The following SLC11A1 variants were observed in gnomAD, a reference collection of about 807,000 sequenced individuals.
SLC11A1 encodes the protein solute carrier family 11 member 1.
Under a neutral mutation model 63.2 loss-of-function variants are expected in SLC11A1, and 59 were observed. The observed-to-expected ratio is 0.93, with a 90% CI of 0.76 to 1.16. The LOEUF (loss-of-function observed/expected upper bound fraction) is 1.16, where lower values mean the gene tolerates loss of function less well. Among genes scored for constraint, SLC11A1 ranks in the 50% most tolerant of loss-of-function variants. SLC11A1 has a pLI of 0.00. For missense variants in SLC11A1, 688 were observed against 730.7 expected (o/e 0.94, Z 0.67); for synonymous variants, 305 against 307.8 (o/e 0.99, Z 0.09).
chr2:218,390,054 G>T, intron 9 of SLC11A1, 26 bp downstream of exon 9: 1 of 1,597,580 alleles, frequency 6.3e-7, no homozygotes, highest in African/African-American at 1.3e-5. Flanking sequence ...CCCCGCACCT[G>T]AGGCCACACA....
intron 4 of SLC11A1, 50 bp downstream of exon 4, chr2:218,385,316 A>G (rs758636310): frequency 1.2e-6 from 2 of 1,612,438 alleles, no homozygotes; most frequent in South Asian, 2.2e-5. Flanking sequence ...CAAACCCCAA[A>G]CAGCCATTTT....
rs192897912 is a variant in SLC11A1, at chr2:218,391,639, G to C, written c.1164+144G>C. 57 of 1,131,064 alleles carry C rather than the reference G, an allele frequency of 5.0e-5. No individual in the cohort carries two copies. The African/African-American group carries it at 7.7e-4, about 15-fold the overall frequency. The allele number at this position is 1,131,064 out of a possible 1,614,324, so 70.1% of individuals were successfully genotyped here. A position where few individuals can be genotyped will look rare whatever the true frequency, so the allele number is the denominator to read the frequency against. On this transcript the variant is annotated intron_variant, in intron 11 of 14. Transcript: ENST00000233202. ...TTTTGTTTTTGTTTTTGTTGTTGTTGTTGAGACGGAGTCTCGCTCTTGTCG... is the reference window on the plus strand; with the variant it reads ...TTTTGTTTTTGTTTTTGTTGTTGTTCTTGAGACGGAGTCTCGCTCTTGTCG...
At chr2:218,391,335 C>T in intron 10 of SLC11A1, 41 bp from the exon 11 acceptor site, 2 of 1,613,934 alleles carry the variant, frequency 1.2e-6, no homozygotes, top group South Asian at 1.1e-5. Context: ...GGCTCCCCGC[C>T]TCGGGCAGGG....
intron 11 of SLC11A1, chr2:218,392,772 T>C (rs370620327): frequency 6.2e-6 from 3 of 485,294 alleles, no homozygotes; most frequent in South Asian, 3.4e-5. Flanking sequence ...CAAAACTGTT[T>C]AGTCTTCAGC....
rs764941597 is a variant in SLC11A1, at chr2:218,394,164, C to T, written c.1359C>T (p.Pro453=). The change falls in exon 13 of 15, where the codon CCC becomes CCT. Residue 453 remains proline, a synonymous_variant. Transcript: ENST00000233202. ...VLPILTFTSM[P]TLMQEFANGL... is the part of the protein sequence containing the mutation. ...CCATCCTCACGTTCACCAGCATGCC[C>T]ACCCTCATGCAGGAGTTTGCCAATG... 5 of 1,614,178 alleles carry T rather than the reference C, an allele frequency of 3.1e-6. No individual in the cohort carries two copies. Among genetic ancestry groups the T allele is most frequent in the East Asian group, 2.2e-5 (1 of 44,886 alleles).
At chr2:218,389,040 G>A (rs558841162) in intron 8 of SLC11A1, among the ~76,000 whole-genome samples, 1 of 151,900 alleles carries the variant, frequency 6.6e-6, no homozygotes, top group African/African-American at 2.4e-5. Flanking sequence ...AGCCCTGGAG[G>A]TCGAGGCTGC....
Position 218,395,395 on chromosome 2 carries a change from G to C in SLC11A1, c.*360G>C, listed in dbSNP as rs1574783641. 4.6e-6 allele frequency: 1 copy of C among 216,766 alleles called. No individual in the cohort carries two copies. Among genetic ancestry groups the C allele is most frequent in the African/African-American group, 2.3e-5 (1 of 43,678 alleles). The allele number at this position is 216,766 out of a possible 1,614,324, so 13.4% of individuals were successfully genotyped here. A position where few individuals can be genotyped will look rare whatever the true frequency, so the allele number is the denominator to read the frequency against. On this transcript the variant is annotated 3_prime_UTR_variant, in exon 15 of 15. Coordinates refer to ENST00000233202, the MANE Select transcript of SLC11A1 (RefSeq NM_000578.4). Reference sequence around the variant, plus strand: ...GGTGGGGTGAGGGCTTGAGGACTTGGGCGGGACACAGGCTCCAAACTGGAG... The same window carrying C: ...GGTGGGGTGAGGGCTTGAGGACTTGCGCGGGACACAGGCTCCAAACTGGAG...
chr2:218,387,874 C>G lies in SLC11A1; in HGVS notation c.714C>G (p.His238Gln). 1 of 1,603,024 alleles carries G rather than the reference C, an allele frequency of 6.2e-7. No homozygotes were observed. Among genetic ancestry groups the G allele is most frequent in the Non-Finnish European group, 8.5e-7 (1 of 1,175,226 alleles). Residue 238 changes from histidine to glutamine, a missense_variant, in exon 8 of 15, where the codon CAC becomes CAG. By Grantham distance (24) the His-to-Gln change is conservative. Transcript: ENST00000233202. ...TGCCCTCGTGCCCGGGCTGCGGCCA[C>G]CCCGAGCTGCTGCAGGCGGTGGGCA... ...LFLPSCPGCG[H>Q]PELLQAVGIV... is the part of the protein sequence containing the mutation.
At position 218,384,441 on chromosome 2, in the gene SLC11A1, G is replaced by A; in HGVS notation, c.273+76G>A. ...GGCTAAGTGTTGAAGGCCCCTGCTG[G>A]CCATGTTTCTCCAATGTGGCCTGGG... On this transcript the variant is annotated intron_variant, in intron 3 of 14. Coordinates refer to ENST00000233202, the MANE Select transcript of SLC11A1 (RefSeq NM_000578.4). This position sits in a 1 kb window ranked among gnomAD's most constrained non-coding sequence, Gnocchi z 4.0. The A allele has an allele frequency of 2.0e-6, 3 of 1,513,098 alleles. No homozygotes were observed. The highest frequency in any genetic ancestry group is 2.7e-6 in the Non-Finnish European group (3 of 1,114,838). 93.7% of individuals were successfully genotyped at this position (1,513,098 alleles called of 1,614,324 possible). A position where few individuals can be genotyped will look rare whatever the true frequency, so the allele number is the denominator to read the frequency against.
intron 1 of SLC11A1, 108 bp from the exon 2 acceptor site, chr2:218,382,852 C>A (rs1695874909): frequency 2.8e-6 from 4 of 1,430,858 alleles, no homozygotes; most frequent in Non-Finnish European, 3.9e-6. Flanking sequence ...GGCCAGGGAC[C>A]TTAGTTTCTC....
In SLC11A1 at chr2:218,395,216, C is replaced by T. The variant is rs1361327129; in HGVS notation, c.*181C>T. 9 of 591,830 alleles carry T rather than the reference C, an allele frequency of 1.5e-5. No individual in the cohort carries two copies. The highest frequency in any genetic ancestry group is 1.1e-4 in the African/African-American group (6 of 53,800). 36.7% of individuals were successfully genotyped at this position (591,830 alleles called of 1,614,324 possible). On this transcript the variant is annotated 3_prime_UTR_variant, in exon 15 of 15. Coordinates refer to ENST00000233202, the MANE Select transcript of SLC11A1 (RefSeq NM_000578.4). ...GTGATTACCCTCTGGGTCTCAGTGT[C>T]CTCATCTGTAAAATGGAGACACCAC...
At chr2:218,382,826 A>T in intron 1 of SLC11A1, 134 bp from the exon 2 acceptor site, 1 of 1,031,600 alleles carries the variant, frequency 9.7e-7, no homozygotes, top group South Asian at 1.5e-5. Flanking sequence ...GGTGGAGGTG[A>T]TGGACCCAAG....
intron 4 of SLC11A1, 27 bp from the exon 5 acceptor site, chr2:218,386,608 T>TA: frequency 6.5e-7 from 1 of 1,543,306 alleles, no homozygotes; most frequent in Non-Finnish European, 8.9e-7. Flanking sequence ...GGCCCACCCT[T>TA]AATGAAGGAT....
Position 218,390,460 on chromosome 2 carries a change from G to C in SLC11A1, c.954+432G>C, listed in dbSNP as rs562403699. ...AAAAGGAACTAGCCAGCTCCTCCCT[G>C]ACTCTCTGGGATCTGGGACCTGTGT... On this transcript the variant is annotated intron_variant, in intron 9 of 14. Transcript: ENST00000233202. 2.0e-5 allele frequency among the ~76,000 whole-genome samples: 3 copies of C among 152,324 alleles called. No individual in the cohort carries two copies. The South Asian group carries it at 6.2e-4, about 32-fold the overall frequency.
Position 218,387,203 on chromosome 2 carries a change from T to C in SLC11A1, c.544T>C (p.Phe182Leu). Reference protein sequence around the residue: ...GGVLITIVDTFFFLFLDNYGL... With the variant: ...GGVLITIVDTLFFLFLDNYGL... Reference sequence around the variant, plus strand: ...CGTCCTCATCACCATCGTGGACACCTTCTTCTTCCTCTTCCTCGATAACTA... The same window carrying C: ...CGTCCTCATCACCATCGTGGACACCCTCTTCTTCCTCTTCCTCGATAACTA... The change falls in exon 6 of 15, where the codon TTC (phenylalanine) becomes CTC (leucine). Residue 182 changes from phenylalanine (F) to leucine (L), a missense_variant. By Grantham distance (22) the Phe-to-Leu change is conservative. Transcript: ENST00000233202. The C allele has an allele frequency of 6.2e-7, 1 of 1,614,030 alleles. No individual in the cohort carries two copies.
chr2:218,393,298 A>G (rs1250237877), intron 12 of SLC11A1, among the ~76,000 whole-genome samples, 168 bp downstream of exon 12: 1 of 149,980 alleles, frequency 6.7e-6, no homozygotes, highest in African/African-American at 2.4e-5. Flanking sequence ...GAGGGTAGGA[A>G]TCACCATTAT....
In SLC11A1 at chr2:218,395,022, A is replaced by G; in HGVS notation, c.1640A>G (p.Glu547Gly). The change falls in exon 15 of 15, where the codon GAG (glutamate) becomes GGG (glycine). Residue 547 changes from glutamate (E) to glycine (G), a missense_variant. Physicochemically the swap from Glu to Gly is moderately conservative, Grantham distance 98. Transcript: ENST00000233202. ...CTCCTTGAAGAGGACCAGAAAGGGGAGACCTCTGGCTAGGCCCACACCAGG... is the reference window on the plus strand; with the variant it reads ...CTCCTTGAAGAGGACCAGAAAGGGGGGACCTCTGGCTAGGCCCACACCAGG... Reference protein sequence around the residue: ...YGLLEEDQKGETSG With the variant: ...YGLLEEDQKGGTSG 1 of 1,605,400 alleles carries G rather than the reference A, an allele frequency of 6.2e-7. No homozygotes were observed. Among genetic ancestry groups the G allele is most frequent in the Non-Finnish European group, 8.5e-7 (1 of 1,175,558 alleles).
At chr2:218,390,846 C>T (rs1349531329) in intron 9 of SLC11A1, among the ~76,000 whole-genome samples, 1 of 152,058 alleles carries the variant, frequency 6.6e-6, no homozygotes, top group Non-Finnish European at 1.5e-5. Flanking sequence ...TTATGCCAGG[C>T]CTTCTCAATT....
In SLC11A1 at chr2:218,387,199, C is replaced by A; in HGVS notation, c.540C>A (p.Asp180Glu). The A allele has an allele frequency of 6.2e-7, 1 of 1,614,088 alleles. No individual in the cohort carries two copies. The highest frequency in any genetic ancestry group is 8.5e-7 in the Non-Finnish European group (1 of 1,179,980). ...GTGGCGTCCTCATCACCATCGTGGACACCTTCTTCTTCCTCTTCCTCGATA... is the reference window on the plus strand; with the variant it reads ...GTGGCGTCCTCATCACCATCGTGGAAACCTTCTTCTTCCTCTTCCTCGATA... ...LWGGVLITIV[D>E]TFFFLFLDNY... The change falls in exon 6 of 15, where the codon GAC becomes GAA. Residue 180 changes from aspartate to glutamate, a missense_variant. By Grantham distance (45) the Asp-to-Glu change is conservative (BLOSUM62 2). Coordinates refer to ENST00000233202, the MANE Select transcript of SLC11A1 (RefSeq NM_000578.4).
Sources: gnomAD v4.1 joint callset for allele counts (sites outside exome capture counted in the v4.1 genomes callset) on GRCh38, gnomAD v4.1.1 for gene constraint, Gnocchi (gnomAD v3.1) non-coding constraint, MANE v1.5 for transcripts, NCBI Gene and HGNC (gene_info 2026-07-23, HGNC 2026-07-21) for gene names.